The following BAZ2B variants were observed in gnomAD, a reference collection of about 807,000 sequenced individuals.
BAZ2B encodes the protein bromodomain adjacent to zinc finger domain protein 2B.
A neutral mutation model predicts 246.0 loss-of-function variants in BAZ2B; 91 were observed. That is an observed-to-expected ratio of 0.37 (90% CI 0.31 to 0.44). The LOEUF (loss-of-function observed/expected upper bound fraction) is 0.44, where lower values mean the gene tolerates loss of function less well. Ranked by LOEUF, BAZ2B falls within the 20% of genes least tolerant of loss-of-function variation. The pLI is 1.00. For synonymous variants in BAZ2B, 855 were observed against 860.0 expected (o/e 0.99, Z 0.10); for missense variants, 2,332 against 2,533.7 (o/e 0.92, Z 1.71).
chr2:159,670,826 T>A, the BAZ2B span: 1 of 152,294 alleles, frequency 6.6e-6, no homozygotes, highest in East Asian at 1.9e-4. Flanking sequence ...GGAGACAAAT[T>A]TCTCTTAGTT....
At chr2:159,476,628 T>A (rs2078588493) in intron 3 of BAZ2B, among the ~76,000 whole-genome samples, 1 of 152,156 alleles carries the variant, frequency 6.6e-6, no homozygotes, top group Non-Finnish European at 1.5e-5. Flanking sequence ...AAACTCAGAA[T>A]CTGTACTCAA....
intron 2 of BAZ2B, among the ~76,000 whole-genome samples, chr2:159,527,593 AT>A (rs2151298839): frequency 6.6e-6 from 1 of 152,298 alleles, no homozygotes; most frequent in South Asian, 2.1e-4. Flanking sequence ...ATTTAAATGT[AT>A]GATCCAAACA....
At chr2:159,623,178 G>T in the BAZ2B span, among the ~76,000 whole-genome samples, 2 of 150,944 alleles carry the variant, frequency 1.3e-5, no homozygotes, top group Admixed American at 6.6e-5. Context: ...AGGAGGGAAG[G>T]AAGGAAGGAA....
chr2:159,374,610 A>G, intron 26 of BAZ2B, 81 bp downstream of exon 26: 1 of 1,215,454 alleles, frequency 8.2e-7, no homozygotes, highest in Non-Finnish European at 1.2e-6. Flanking sequence ...TTTGCTTAGC[A>G]GTCAGAAAAA....
intron 34 of BAZ2B, among the ~76,000 whole-genome samples, chr2:159,328,235 T>C (rs1185052540): frequency 2.0e-5 from 3 of 152,204 alleles, no homozygotes; most frequent in Non-Finnish European, 4.4e-5. Context: ...CTCTGTTACC[T>C]GATTACTTTG....
intron 14 of BAZ2B, 195 bp downstream of exon 14, chr2:159,412,140 A>C (rs2066927718): frequency 5.8e-6 from 2 of 344,450 alleles, no homozygotes; most frequent in Non-Finnish European, 8.2e-6. Flanking sequence ...GTTTATGAGT[A>C]ATGGTTCTTG....
intron 31 of BAZ2B, 129 bp from the exon 32 acceptor site, chr2:159,337,901 G>A: frequency 1.2e-6 from 1 of 845,264 alleles, no homozygotes; most frequent in Non-Finnish European, 1.7e-6. Flanking sequence ...ATTTTACCTT[G>A]TGTTTCCTAA....
chr2:159,601,852 A>T (rs1444307338), intron 1 of BAZ2B, among the ~76,000 whole-genome samples: 2 of 152,268 alleles, frequency 1.3e-5, no homozygotes, highest in Non-Finnish European at 2.9e-5. Flanking sequence ...TCAGGAAAAG[A>T]GTGCCCAATG....
At chr2:159,541,235 C>T (rs1202791682) in intron 2 of BAZ2B, among the ~76,000 whole-genome samples, 4 of 150,806 alleles carry the variant, frequency 2.7e-5, no homozygotes, top group African/African-American at 9.8e-5. Context: ...TTTCCCATTG[C>T]TCTAGGGTAA....
the BAZ2B span, among the ~76,000 whole-genome samples, chr2:159,706,988 C>T: frequency 5.9e-5 from 9 of 152,130 alleles, no homozygotes; most frequent in Non-Finnish European, 1.2e-4. Context: ...TCTTAGTTTC[C>T]AGCCCTACAA....
intron 13 of BAZ2B, among the ~76,000 whole-genome samples, chr2:159,427,314 C>G (rs181323679): frequency 1.3e-5 from 2 of 152,200 alleles, no homozygotes; most frequent in East Asian, 3.9e-4. Flanking sequence ...TTGGTGGGTT[C>G]TTTTTGCTGA....
intron 2 of BAZ2B, among the ~76,000 whole-genome samples, chr2:159,529,981 A>T (rs1233088075): frequency 6.6e-6 from 1 of 152,158 alleles, no homozygotes; most frequent in Non-Finnish European, 1.5e-5. Flanking sequence ...TTTATCCTTT[A>T]AAAAAAGTGA....
the BAZ2B span, among the ~76,000 whole-genome samples, chr2:159,686,622 A>AT: frequency 1.3e-5 from 2 of 151,836 alleles, no homozygotes; most frequent in East Asian, 3.8e-4. Context: ...TATTAAAAAA[A>AT]TAATAAGTGA....
At chr2:159,475,693 T>C (rs2078442127) in intron 3 of BAZ2B, among the ~76,000 whole-genome samples, 1 of 152,240 alleles carries the variant, frequency 6.6e-6, no homozygotes, top group African/African-American at 2.4e-5. Flanking sequence ...TGTGGATTTA[T>C]CTACCTTTGG....
intron 1 of BAZ2B, among the ~76,000 whole-genome samples, chr2:159,603,445 T>C (rs1419159302): frequency 1.3e-5 from 2 of 152,222 alleles, no homozygotes; most frequent in Non-Finnish European, 2.9e-5. Context: ...TTCACCACTA[T>C]GCATTCCCAC....
At chr2:159,561,378 T>A (rs2089852286) in intron 1 of BAZ2B, among the ~76,000 whole-genome samples, 1 of 152,222 alleles carries the variant, frequency 6.6e-6, no homozygotes, top group Non-Finnish European at 1.5e-5. Flanking sequence ...CATATTTTGA[T>A]GCAGCCCTCA....
chr2:159,330,474 T>C (rs945882443), intron 34 of BAZ2B, among the ~76,000 whole-genome samples: 2 of 152,214 alleles, frequency 1.3e-5, no homozygotes, highest in Non-Finnish European at 2.9e-5. Context: ...ACATAGGCAC[T>C]GATCACTGGA....
At chr2:159,338,487 TA>T (rs749951344) in intron 31 of BAZ2B, among the ~76,000 whole-genome samples, 3 of 152,222 alleles carry the variant, frequency 2.0e-5, no homozygotes, top group African/African-American at 4.8e-5. Flanking sequence ...TTTACTCATT[TA>T]TCTCCAGTAC....
At chr2:159,630,477 T>C in the BAZ2B span, among the ~76,000 whole-genome samples, 21 of 151,730 alleles carry the variant, frequency 1.4e-4, no homozygotes, top group African/African-American at 5.1e-4. Context: ...TAACAGTATA[T>C]AGTATTCAAA....
Sources: gnomAD v4.1 joint callset for allele counts (sites outside exome capture counted in the v4.1 genomes callset) on GRCh38, gnomAD v4.1.1 for gene constraint, MANE v1.5 for transcripts, NCBI Gene and HGNC (gene_info 2026-07-23, HGNC 2026-07-21) for gene names.